TCF12: variants seen among roughly 807,000 people sequenced by gnomAD.
TCF12 encodes DNA-binding protein HTF4.
TCF12 carries 45 observed loss-of-function variants against 86.0 expected under a neutral mutation model. The observed-to-expected ratio is 0.52, with a 90% CI of 0.41 to 0.67. TCF12 has a LOEUF of 0.67. TCF12 is among the 30% of genes least tolerant of loss of function. The pLI is 0.00. For synonymous variants in TCF12, 330 were observed against 299.6 expected (o/e 1.10, Z -1.05); for missense variants, 881 against 859.9 (o/e 1.02, Z -0.31).
chr15:57,034,698 T>C (rs1480878821), intron 3 of TCF12, among the ~76,000 whole-genome samples: 2 of 152,218 alleles, frequency 1.3e-5, no homozygotes, highest in Admixed American at 1.3e-4. Context: ...GTATTGTCTC[T>C]ATTTTACATA....
intron 4 of TCF12, among the ~76,000 whole-genome samples, chr15:57,080,678 T>C (rs1263086013): frequency 1.3e-5 from 2 of 152,210 alleles, no homozygotes; most frequent in Non-Finnish European, 2.9e-5. Context: ...CTGTGAATAA[T>C]TTCCTTTTTT....
intron 3 of TCF12, among the ~76,000 whole-genome samples, chr15:56,946,798 CTTTTTT>C (rs71113039): frequency 8.8e-6 from 1 of 113,544 alleles, no homozygotes; most frequent in Admixed American, 9.9e-5. Flanking sequence ...TCTAAAGTAC[CTTTTTT>C]TTTTTTTTTT....
chr15:57,070,016 T>C (rs1297775997), intron 4 of TCF12, among the ~76,000 whole-genome samples: 5 of 152,172 alleles, frequency 3.3e-5, no homozygotes, highest in Non-Finnish European at 5.9e-5. Flanking sequence ...TACTTTAATC[T>C]TTTTTTCTTT....
At chr15:57,089,634 G>A (rs116731748) in intron 4 of TCF12, among the ~76,000 whole-genome samples, 1,753 of 149,084 alleles carry the variant, frequency 0.012, 39 homozygotes, top group African/African-American at 0.042. Flanking sequence ...TGTTGTTCAA[G>A]AATGAAGAGA....
intron 3 of TCF12, among the ~76,000 whole-genome samples, chr15:57,057,422 G>A (rs2068113013): frequency 6.6e-6 from 1 of 152,140 alleles, no homozygotes; most frequent in African/African-American, 2.4e-5. Flanking sequence ...ACTCACCTGT[G>A]CTGGTCCCTG....
At chr15:57,156,283 A>T (rs1449614275) in intron 5 of TCF12, among the ~76,000 whole-genome samples, 1 of 152,220 alleles carries the variant, frequency 6.6e-6, no homozygotes, top group Non-Finnish European at 1.5e-5. Flanking sequence ...TATCAATTTC[A>T]TGGGACATTA....
At chr15:56,980,265 T>G (rs543178483) in intron 3 of TCF12, among the ~76,000 whole-genome samples, 61 of 152,104 alleles carry the variant, frequency 4.0e-4, no homozygotes, top group Non-Finnish European at 7.6e-4. Flanking sequence ...CCAGTTAGCT[T>G]GGATGTTGAA....
chr15:57,208,379 C>CTTTTTTTTTTTTT (rs2057942908), intron 8 of TCF12, among the ~76,000 whole-genome samples: 4 of 18,286 alleles, frequency 2.2e-4, no homozygotes, highest in African/African-American at 8.9e-4. Flanking sequence ...ACAAAAATAT[C>CTTTTTTTTTTTTT]CTTTTTTTTT....
At chr15:56,990,256 C>T (rs2060044) in intron 3 of TCF12, among the ~76,000 whole-genome samples, 143,186 of 148,318 alleles carry the variant, frequency 0.97, 69,028 homozygotes, top group South Asian at 1. Flanking sequence ...TGTGCGTGTG[C>T]GTGTGTGTGT....
chr15:57,175,260 A>G (rs1213958852), intron 6 of TCF12, among the ~76,000 whole-genome samples: 1 of 152,078 alleles, frequency 6.6e-6, no homozygotes, highest in Non-Finnish European at 1.5e-5. Context: ...CACTCAAGTG[A>G]TTGAGGGGTA....
At position 57,201,945 on chromosome 15, in the gene TCF12, T is replaced by C. The variant is rs542341493; in HGVS notation, c.579+4120T>C. Among the ~76,000 whole-genome samples the C allele has an allele frequency of 2.4e-3, 358 of 152,260 alleles. 1 individual carries two copies. The highest frequency in any genetic ancestry group is 6.8e-3 in the Middle Eastern group (2 of 294). ...TTGGGGCAGGGTTTTTTCCTGGTAA[T>C]TTGTCGGGGGAAAAAAAGGAAACAT... On this transcript the variant is annotated intron_variant, in intron 8 of 20. Coordinates refer to ENST00000333725, the MANE Select transcript of TCF12 (RefSeq NM_207037.2).
chr15:56,960,516 G>A (rs2061698909), intron 3 of TCF12, among the ~76,000 whole-genome samples: 1 of 148,082 alleles, frequency 6.8e-6, no homozygotes. Flanking sequence ...TGGAACCTCT[G>A]CCTCCCCGGT....
Position 57,278,493 on chromosome 15 carries a change from A to G in TCF12, c.1979-3952A>G, listed in dbSNP as rs183337487. On this transcript the variant is annotated intron_variant, in intron 19 of 20. Coordinates refer to ENST00000333725, the MANE Select transcript of TCF12 (RefSeq NM_207037.2). ...ATGAAAAAACAAGTAGCTATTAACT[A>G]TAGGAAAAATAAACAGTTATATGAG... 3.1e-3 allele frequency: 466 copies of G among 152,296 alleles called. 10 individuals carry two copies. Among genetic ancestry groups the G allele is most frequent in the Admixed American group, 0.026 (403 of 15,282 alleles). The allele number at this position is 152,296 out of a possible 1,614,324, so 9.4% of individuals were successfully genotyped here. A position where few individuals can be genotyped will look rare whatever the true frequency, so the allele number is the denominator to read the frequency against.
At chr15:57,010,889 C>A (rs578058064) in intron 3 of TCF12, among the ~76,000 whole-genome samples, 1 of 152,208 alleles carries the variant, frequency 6.6e-6, no homozygotes, top group Non-Finnish European at 1.5e-5. Flanking sequence ...CATGTGGCCC[C>A]ATTTTTATGT....
At chr15:57,197,894 A>G (rs888714274) in intron 8 of TCF12, 69 bp downstream of exon 8, 11 of 1,505,260 alleles carry the variant, frequency 7.3e-6, no homozygotes, top group Non-Finnish European at 1.0e-5. Context: ...TTACCTTGCT[A>G]CAAGGGTACA....
At chr15:57,272,857 A>G (rs2061206451) in intron 18 of TCF12, among the ~76,000 whole-genome samples, 173 bp from the exon 19 acceptor site, 1 of 152,268 alleles carries the variant, frequency 6.6e-6, no homozygotes, top group African/African-American at 2.4e-5. Flanking sequence ...GTATATGTGC[A>G]TTGAAGAAAA....
chr15:57,150,566 G>T (rs1479479736), intron 5 of TCF12, among the ~76,000 whole-genome samples: 2 of 151,884 alleles, frequency 1.3e-5, no homozygotes, highest in African/African-American at 4.8e-5. Context: ...GCAAAATCTA[G>T]CACCCAAAAA....
intron 6 of TCF12, among the ~76,000 whole-genome samples, chr15:57,172,483 G>A (rs1287211953): frequency 6.6e-6 from 1 of 152,094 alleles, no homozygotes; most frequent in Non-Finnish European, 1.5e-5. Flanking sequence ...GGAATCATAC[G>A]CTGGTCCATA....
chr15:57,227,027 A>C (rs1437056358), intron 8 of TCF12, among the ~76,000 whole-genome samples: 1 of 152,072 alleles, frequency 6.6e-6, no homozygotes, highest in East Asian at 1.9e-4. Flanking sequence ...GGGTATCTCA[A>C]TTAGGATATA....
Sources: gnomAD v4.1 joint callset for allele counts (sites outside exome capture counted in the v4.1 genomes callset) on GRCh38, gnomAD v4.1.1 for gene constraint, MANE v1.5 for transcripts, NCBI Gene and HGNC (gene_info 2026-07-23, HGNC 2026-07-21) for gene names.